DCN: variants seen among roughly 807,000 people sequenced by gnomAD.
DCN encodes decorin.
DCN carries 17 observed loss-of-function variants against 36.5 expected under a neutral mutation model. That is an observed-to-expected ratio of 0.47 (90% CI 0.32 to 0.70). The LOEUF is 0.70. Among genes scored for constraint, DCN ranks in the 30% least tolerant of loss-of-function variants. The pLI is 0.04. For missense variants in DCN, 389 were observed against 430.1 expected (o/e 0.90, Z 0.84); for synonymous variants, 163 against 161.4 (o/e 1.01, Z -0.07).
rs3138298 is a variant in DCN at position 91,162,868 on chromosome 12, C to A, written c.324+1737G>T. ...GGCCCTTCAAATGTGCCACTAGTGA[C>A]CCTCAACACTGAGTTTAGACATCCA... is the stretch of plus-strand genomic sequence containing the variant. On this transcript the variant is annotated intron_variant, in intron 3 of 7. Transcript: ENST00000052754. Among the ~76,000 whole-genome samples, 874 of 152,264 alleles carry A rather than the reference C, an allele frequency of 5.7e-3. 4 individuals carry two copies. The highest frequency in any genetic ancestry group is 7.7e-3 in the Non-Finnish European group (522 of 68,012).
intron 5 of DCN, among the ~76,000 whole-genome samples, chr12:91,154,046 G>A (rs887052334): frequency 3.3e-5 from 5 of 152,060 alleles, no homozygotes; most frequent in African/African-American, 1.2e-4. Flanking sequence ...TAGCAAATTG[G>A]TTAAGTGTAG....
At chr12:91,164,399 T>TCAAAAAAAAAAAAAAAAAAAAAAAAAAAA (rs1882374433) in intron 3 of DCN, among the ~76,000 whole-genome samples, 1 of 21,864 alleles carries the variant, frequency 4.6e-5, no homozygotes, top group Non-Finnish European at 8.7e-5. Flanking sequence ...GAAGCATAAT[T>TCAAAAAAAAAAAAAAAAAAAAAAAAAAAA]CAAAAAAAAA....
intron 2 of DCN, among the ~76,000 whole-genome samples, chr12:91,166,052 C>T (rs1329320759): frequency 6.6e-6 from 1 of 152,142 alleles, no homozygotes; most frequent in East Asian, 1.9e-4. Context: ...TGACTGTCTT[C>T]ATTTCTTCCA....
chr12:91,167,135 C>T (rs1485247476), intron 2 of DCN, among the ~76,000 whole-genome samples: 2 of 151,952 alleles, frequency 1.3e-5, no homozygotes, highest in East Asian at 1.9e-4. Flanking sequence ...TTTTTTCTGG[C>T]ATACCTATCT....
At chr12:91,156,844 G>A (rs1881809950) in intron 5 of DCN, among the ~76,000 whole-genome samples, 1 of 151,994 alleles carries the variant, frequency 6.6e-6, no homozygotes, top group Admixed American at 6.6e-5. Flanking sequence ...TCTACAGTGA[G>A]CCTGGATGGC....
At chr12:91,163,155 C>T (rs1349979452) in intron 3 of DCN, among the ~76,000 whole-genome samples, 5 of 152,166 alleles carry the variant, frequency 3.3e-5, no homozygotes, top group Admixed American at 1.3e-4. Context: ...AGATAGAGAA[C>T]TGGGTGAGAA....
intron 6 of DCN, 129 bp from the exon 7 acceptor site, chr12:91,151,921 A>T: frequency 9.9e-7 from 1 of 1,012,542 alleles, no homozygotes; most frequent in South Asian, 1.4e-5. Context: ...CAGTTCTTGG[A>T]GTGCTTTCTC....
chr12:91,150,556 A>T (rs1156964260), intron 7 of DCN, among the ~76,000 whole-genome samples: 1 of 152,202 alleles, frequency 6.6e-6, no homozygotes, highest in East Asian at 1.9e-4. Flanking sequence ...ATCTCATGCC[A>T]GTCAGTATGG....
At chr12:91,172,609 T>C in intron 2 of DCN, 1 of 496,972 alleles carries the variant, frequency 2.0e-6, no homozygotes, top group Non-Finnish European at 3.6e-6. Flanking sequence ...GGTTTTACAG[T>C]TGTCCTTAAA....
intron 2 of DCN, chr12:91,176,414 C>CA: frequency 6.6e-6 from 1 of 152,104 alleles, no homozygotes; most frequent in East Asian, 1.9e-4. Flanking sequence ...CATCTGAAAA[C>CA]AAAAAATAAA....
Position 91,146,001 on chromosome 12 carries a change from T to C in DCN, c.*57A>G. 8 of 1,376,606 alleles carry C rather than the reference T, an allele frequency of 5.8e-6. No homozygotes were observed. Among genetic ancestry groups the C allele is most frequent in the Non-Finnish European group, 7.3e-6 (7 of 963,692 alleles). 85.3% of individuals were successfully genotyped at this position (1,376,606 alleles called of 1,614,324 possible). On this transcript the variant is annotated 3_prime_UTR_variant, in exon 8 of 8. Transcript: ENST00000052754. ...CAGTATCTAGCTTTTATTTATTTTT[T>C]AGCAATGACATTAACAAGATTTTGC... is the stretch of plus-strand genomic sequence containing the variant.
chr12:91,169,004 T>G (rs1458774479), intron 2 of DCN, among the ~76,000 whole-genome samples: 1 of 138,548 alleles, frequency 7.2e-6, no homozygotes, highest in East Asian at 2.1e-4. Context: ...TTCATAGATT[T>G]GTATTTTCAA....
rs1166503212 is a variant in DCN at position 91,142,192 on chromosome 12, G to C, written c.*3866C>G. 1 of 152,174 alleles carries C rather than the reference G, an allele frequency of 6.6e-6. No homozygotes were observed. Among genetic ancestry groups the C allele is most frequent in the African/African-American group, 2.4e-5 (1 of 41,440 alleles). 9.4% of individuals were successfully genotyped at this position (152,174 alleles called of 1,614,324 possible). ...ACTTAAAATTGAGCAGCAAAATCAA[G>C]AGTGAAATAACTGCAATGTCGACTC... On this transcript the variant is annotated 3_prime_UTR_variant, in exon 8 of 8. Coordinates refer to ENST00000052754, the MANE Select transcript of DCN (RefSeq NM_001920.5).
Position 91,142,283 on chromosome 12 carries a change from G to GT in DCN, c.*3774dup, listed in dbSNP as rs949523271. On this transcript the variant is annotated 3_prime_UTR_variant, in exon 8 of 8. Coordinates refer to ENST00000052754, the MANE Select transcript of DCN (RefSeq NM_001920.5). ...CAGTGAAGTCTTGTGAAGAGTTGTT[G>GT]TGTGTGTGAAGGGGCAGTCTTGGAC... 7 of 152,192 alleles carry GT rather than the reference G, an allele frequency of 4.6e-5. No individual in the cohort carries two copies. Among genetic ancestry groups the GT allele is most frequent in the African/African-American group, 1.7e-4 (7 of 41,456 alleles). The allele number at this position is 152,192 out of a possible 1,614,324, so 9.4% of individuals were successfully genotyped here. A position where few individuals can be genotyped will look rare whatever the true frequency, so the allele number is the denominator to read the frequency against.
intron 6 of DCN, among the ~76,000 whole-genome samples, chr12:91,152,609 C>T (rs930033827): frequency 1.3e-4 from 19 of 151,854 alleles, no homozygotes; most frequent in Non-Finnish European, 2.4e-4. Flanking sequence ...CATTAAATGC[C>T]CAGAGATATT....
chr12:91,149,041 C>A (rs1453603724), intron 7 of DCN, among the ~76,000 whole-genome samples: 1 of 151,876 alleles, frequency 6.6e-6, no homozygotes, highest in South Asian at 2.1e-4. Flanking sequence ...AATATCAAGA[C>A]GTAAGTATTA....
intron 6 of DCN, 147 bp downstream of exon 6, chr12:91,152,949 A>G: frequency 1.6e-6 from 1 of 630,736 alleles, no homozygotes; most frequent in Non-Finnish European, 2.9e-6. Context: ...ATAATTGGAT[A>G]TGCTGAAGTT....
At chr12:91,160,266 T>A (rs1229165737) in intron 3 of DCN, among the ~76,000 whole-genome samples, 2 of 152,102 alleles carry the variant, frequency 1.3e-5, no homozygotes, top group Non-Finnish European at 2.9e-5. Flanking sequence ...AAATTGTGGA[T>A]GCCTAATGAA....
chr12:91,151,914 T>C lies in DCN; in HGVS notation c.747-122A>G, dbSNP rs1038707968. 5.2e-5 allele frequency: 56 copies of C among 1,076,776 alleles called. No individual in the cohort carries two copies. The Admixed American group carries it at 9.0e-4, about 17-fold the overall frequency. 66.7% of individuals were successfully genotyped at this position (1,076,776 alleles called of 1,614,324 possible). A position where few individuals can be genotyped will look rare whatever the true frequency, so the allele number is the denominator to read the frequency against. ...TTGTTTTTGCACTTACTCTTCCCAG[T>C]TCTTGGAGTGCTTTCTCCAACCTCT... is the stretch of plus-strand genomic sequence containing the variant. On this transcript the variant is annotated intron_variant, in intron 6 of 7. Coordinates refer to ENST00000052754, the MANE Select transcript of DCN (RefSeq NM_001920.5).
Sources: gnomAD v4.1 joint callset for allele counts (sites outside exome capture counted in the v4.1 genomes callset) on GRCh38, gnomAD v4.1.1 for gene constraint, MANE v1.5 for transcripts, NCBI Gene and HGNC (gene_info 2026-07-23, HGNC 2026-07-21) for gene names.